Variants in TMEM266 observed in about 807,000 individuals in gnomAD.
TMEM266 encodes transmembrane protein 266, also known as Hv1 related protein 1.
TMEM266 carries 33 observed loss-of-function variants against 50.5 expected under a neutral mutation model. The ratio of observed to expected loss-of-function variants is 0.65; its 90% CI spans 0.50 to 0.87. The LOEUF is 0.87. TMEM266 is among the 40% of genes least tolerant of loss of function. The pLI, the probability that TMEM266 is intolerant of heterozygous loss-of-function variation, is 0.00. For missense variants in TMEM266, 655 were observed against 695.1 expected (o/e 0.94, Z 0.65); for synonymous variants, 310 against 292.3 (o/e 1.06, Z -0.62).
At chr15:76,084,634 T>C (rs1220315661) in intron 1 of TMEM266, among the ~76,000 whole-genome samples, 1 of 151,814 alleles carries the variant, frequency 6.6e-6, no homozygotes, top group Non-Finnish European at 1.5e-5. Context: ...AGAGTCTTGC[T>C]GTGTTGCCCA....
At chr15:76,146,436 C>T (rs572288042) in intron 3 of TMEM266, among the ~76,000 whole-genome samples, 10 of 152,242 alleles carry the variant, frequency 6.6e-5, no homozygotes, top group South Asian at 2.1e-4. Flanking sequence ...GAGAGGTCAG[C>T]GCTGGACTCC....
chr15:76,188,529 C>A (rs1168837721), intron 8 of TMEM266, among the ~76,000 whole-genome samples: 1 of 152,104 alleles, frequency 6.6e-6, no homozygotes, highest in East Asian at 1.9e-4. Context: ...CTTGAACCCA[C>A]GAGACAGAGG....
At chr15:76,130,237 AAAAAAAAAAAAAAAAAAC>A (rs1433521748) in intron 1 of TMEM266, among the ~76,000 whole-genome samples, 15 of 134,946 alleles carry the variant, frequency 1.1e-4, no homozygotes, top group South Asian at 2.8e-4. Context: ...AAAAAAAAAA[AAAAAAAAAAAAAAAAAAC>A]CGCCGGGTGC....
At chr15:76,099,539 C>A (rs1384509958) in intron 1 of TMEM266, among the ~76,000 whole-genome samples, 1 of 152,220 alleles carries the variant, frequency 6.6e-6, no homozygotes, top group African/African-American at 2.4e-5. Context: ...TGCCAACAAT[C>A]CCAGGTGCTA....
intron 1 of TMEM266, among the ~76,000 whole-genome samples, chr15:76,079,661 G>A (rs2036656417): frequency 6.7e-6 from 1 of 149,922 alleles, no homozygotes; most frequent in South Asian, 2.1e-4. Flanking sequence ...GGTGGTGTGT[G>A]CCTGTAATCC....
intron 1 of TMEM266, among the ~76,000 whole-genome samples, chr15:76,081,235 T>C (rs1439527781): frequency 2.6e-5 from 4 of 152,256 alleles, no homozygotes; most frequent in Non-Finnish European, 2.9e-5. Context: ...CTATTGACTA[T>C]GGACAAGTCA....
chr15:76,148,944 TA>T (rs746168099), intron 3 of TMEM266, among the ~76,000 whole-genome samples: 1 of 152,144 alleles, frequency 6.6e-6, no homozygotes, highest in Non-Finnish European at 1.5e-5. Context: ...TCAATTTATT[TA>T]GTTATCCCAG....
intron 10 of TMEM266, among the ~76,000 whole-genome samples, 193 bp from the exon 11 acceptor site, chr15:76,203,548 A>G (rs2038784062): frequency 1.3e-5 from 2 of 152,188 alleles, no homozygotes; most frequent in South Asian, 4.1e-4. Flanking sequence ...GATGAGGCAT[A>G]ATACCCCTCA....
chr15:76,141,656 G>A (rs1357706156), intron 3 of TMEM266, among the ~76,000 whole-genome samples: 6 of 152,178 alleles, frequency 3.9e-5, no homozygotes, highest in Non-Finnish European at 5.9e-5. Flanking sequence ...CATACACATT[G>A]TTGGGTAACT....
intron 3 of TMEM266, among the ~76,000 whole-genome samples, chr15:76,150,012 A>G (rs2037813250): frequency 6.6e-6 from 1 of 152,240 alleles, no homozygotes; most frequent in Admixed American, 6.5e-5. Flanking sequence ...CCCAGGACAC[A>G]GGTGTTCAGC....
chr15:76,111,116 T>C (rs1218098036), intron 1 of TMEM266, among the ~76,000 whole-genome samples: 1 of 152,062 alleles, frequency 6.6e-6, no homozygotes, highest in Admixed American at 6.6e-5. Flanking sequence ...GTTTCGCTTT[T>C]GTTGCCCAGG....
intron 10 of TMEM266, 151 bp from the exon 11 acceptor site, chr15:76,203,590 G>A (rs2038784908): frequency 1.4e-6 from 1 of 692,510 alleles, no homozygotes; most frequent in East Asian, 2.5e-5. Flanking sequence ...GAACTGGGAG[G>A]GAGTTCTACC....
chr15:76,101,349 C>T (rs79378610), intron 1 of TMEM266, among the ~76,000 whole-genome samples: 1,627 of 152,234 alleles, frequency 0.011, 22 homozygotes, highest in African/African-American at 0.037. Flanking sequence ...AGGTTAAAAC[C>T]CAATGGAAGA....
intron 1 of TMEM266, among the ~76,000 whole-genome samples, chr15:76,121,748 G>A (rs2037349732): frequency 6.6e-6 from 1 of 152,152 alleles, no homozygotes; most frequent in Non-Finnish European, 1.5e-5. Flanking sequence ...GCTGAAGCAA[G>A]GAAGGAGATT....
intron 1 of TMEM266, among the ~76,000 whole-genome samples, chr15:76,070,688 AG>A (rs2036526109): frequency 6.6e-6 from 1 of 152,230 alleles, no homozygotes; most frequent in Admixed American, 6.5e-5. Context: ...ATTCTTATTA[AG>A]GATTCAAAGT....
chr15:76,146,217 C>T (rs564536187), intron 3 of TMEM266, among the ~76,000 whole-genome samples: 44 of 152,172 alleles, frequency 2.9e-4, no homozygotes, highest in Middle Eastern at 3.4e-3. Context: ...AGGTGGGGGT[C>T]GTCACCCCCA....
In TMEM266 at chr15:76,195,870, A is replaced by G. The variant is rs73448410; in HGVS notation, c.958+3713A>G. 4.5e-3 allele frequency among the ~76,000 whole-genome samples: 682 copies of G among 152,344 alleles called. 6 individuals carry two copies. The highest frequency in any genetic ancestry group is 0.016 in the African/African-American group (647 of 41,570). On this transcript the variant is annotated intron_variant, in intron 9 of 10. Transcript: ENST00000388942. ...CAAGATCTGGGCTTGGAGGTTCCAC[A>G]AAGAAACCAAGCCTTTAAAATACTC... is the stretch of plus-strand genomic sequence containing the variant.
chr15:76,175,653 G>A lies in TMEM266; in HGVS notation c.747G>A (p.Thr249=), dbSNP rs775930403. 2.1e-5 allele frequency: 34 copies of A among 1,613,982 alleles called. No individual in the cohort carries two copies. The highest frequency in any genetic ancestry group is 2.6e-5 in the Non-Finnish European group (31 of 1,179,970). Residue 249 remains threonine, a synonymous_variant, in exon 8 of 11, where the codon ACG becomes ACA. Transcript: ENST00000388942. ...AAGACGAGCAGCTGGAGAGGCTGAC[G>A]CAGATCTGTCAGGAGCAAGGGGTAA...
intron 1 of TMEM266, among the ~76,000 whole-genome samples, chr15:76,104,594 G>A (rs977740715): frequency 1.3e-4 from 20 of 152,092 alleles, no homozygotes; most frequent in Non-Finnish European, 2.8e-4. Flanking sequence ...CGAGGCGGGC[G>A]GATCATGAGG....
Sources: gnomAD v4.1 joint callset for allele counts (sites outside exome capture counted in the v4.1 genomes callset) on GRCh38, gnomAD v4.1.1 for gene constraint, MANE v1.5 for transcripts, NCBI Gene and HGNC (gene_info 2026-07-23, HGNC 2026-07-21) for gene names.